CSMD1: variants seen among roughly 807,000 people sequenced by gnomAD.
CSMD1 encodes the protein CUB and sushi domain-containing protein 1.
In CSMD1, 213 loss-of-function variants were observed where a neutral mutation model predicts 417.5. The ratio of observed to expected loss-of-function variants is 0.51; its 90% CI spans 0.46 to 0.57. CSMD1 has a LOEUF of 0.57. CSMD1 is among the 20% of genes least tolerant of loss of function. CSMD1 has a pLI of 0.00. For synonymous variants in CSMD1, 2,862 were observed against 1,736.8 expected (o/e 1.65, Z -16.11); for missense variants, 6,923 against 4,529.7 (o/e 1.53, Z -15.17).
intron 49 of CSMD1, among the ~76,000 whole-genome samples, chr8:3,072,397 A>C (rs1260692361): frequency 3.3e-5 from 5 of 152,242 alleles, no homozygotes; most frequent in Non-Finnish European, 7.3e-5. Context: ...CATAGCTAAG[A>C]ACAAGCTTCA....
At chr8:4,276,829 G>A (rs1021605586) in intron 3 of CSMD1, among the ~76,000 whole-genome samples, 3 of 151,970 alleles carry the variant, frequency 2.0e-5, no homozygotes, top group African/African-American at 7.2e-5. Flanking sequence ...TCTCTTTTCA[G>A]AAATACAATA....
At chr8:3,091,124 A>G (rs1465491686) in intron 48 of CSMD1, among the ~76,000 whole-genome samples, 2 of 152,080 alleles carry the variant, frequency 1.3e-5, no homozygotes, top group African/African-American at 4.8e-5. Flanking sequence ...ATACAAAAAC[A>G]TAACTATTAA....
chr8:4,198,186 C>A (rs1799447488), intron 3 of CSMD1, among the ~76,000 whole-genome samples: 1 of 152,156 alleles, frequency 6.6e-6, no homozygotes, highest in Non-Finnish European at 1.5e-5. Flanking sequence ...GGAGTCATTC[C>A]AAGCAGAGAG....
At chr8:3,558,761 T>A (rs1799335819) in intron 10 of CSMD1, among the ~76,000 whole-genome samples, 2 of 151,532 alleles carry the variant, frequency 1.3e-5, no homozygotes, top group African/African-American at 2.4e-5. Context: ...GAATAGTGCC[T>A]CAATAGTACC....
At chr8:4,541,288 C>T (rs963770838) in intron 2 of CSMD1, among the ~76,000 whole-genome samples, 6 of 152,130 alleles carry the variant, frequency 3.9e-5, no homozygotes, top group African/African-American at 1.2e-4. Context: ...TCTACTGGCA[C>T]GTGCTGATCA....
chr8:3,238,825 G>C (rs964078293), intron 26 of CSMD1, among the ~76,000 whole-genome samples: 2 of 152,168 alleles, frequency 1.3e-5, no homozygotes, highest in African/African-American at 2.4e-5. Flanking sequence ...GTTAAGAGTG[G>C]CAGGTTGGGG....
At chr8:3,890,042 A>C (rs1424950957) in intron 5 of CSMD1, among the ~76,000 whole-genome samples, 1 of 152,084 alleles carries the variant, frequency 6.6e-6, no homozygotes, top group Admixed American at 6.6e-5. Context: ...TTTTTAAAAA[A>C]GTTTCTGAAT....
chr8:4,002,637 A>C lies in CSMD1; in HGVS notation c.611-4527T>G, dbSNP rs115231444. The stretch of plus-strand genomic sequence containing the variant: ...TAAAGATATTAAATTGCTCCCACAT[A>C]TCGCTAAAGGATAAAAGCTTTGCTG... On this transcript the variant is annotated intron_variant, in intron 4 of 69. Coordinates refer to ENST00000635120, the MANE Select transcript of CSMD1 (RefSeq NM_033225.6). 7.2e-3 allele frequency among the ~76,000 whole-genome samples: 1,095 copies of C among 152,340 alleles called. 12 individuals carry two copies. The highest frequency in any genetic ancestry group is 0.025 in the African/African-American group (1,037 of 41,574).
chr8:3,772,440 T>TATATATACACATATATATAC (rs1300125222), intron 5 of CSMD1, among the ~76,000 whole-genome samples: 2 of 69,572 alleles, frequency 2.9e-5, no homozygotes, highest in African/African-American at 1.9e-4. Flanking sequence ...TACATACATT[T>TATATATACACATATATATAC]ATATATACAC....
At chr8:4,304,913 C>T (rs1039997314) in intron 3 of CSMD1, among the ~76,000 whole-genome samples, 16 of 152,038 alleles carry the variant, frequency 1.1e-4, no homozygotes, top group African/African-American at 3.9e-4. Flanking sequence ...TAAGGTGTAA[C>T]GATGAGATGA....
chr8:3,978,730 G>T (rs188286737), intron 5 of CSMD1, among the ~76,000 whole-genome samples: 1 of 152,130 alleles, frequency 6.6e-6, no homozygotes, highest in African/African-American at 2.4e-5. Flanking sequence ...GATGTAAAAA[G>T]ACATATCCCC....
At chr8:4,297,690 A>C (rs572622441) in intron 3 of CSMD1, among the ~76,000 whole-genome samples, 1 of 152,178 alleles carries the variant, frequency 6.6e-6, no homozygotes, top group Non-Finnish European at 1.5e-5. Flanking sequence ...TTTTAGCATT[A>C]ACCCGGAGCC....
intron 1 of CSMD1, among the ~76,000 whole-genome samples, chr8:4,710,683 A>C (rs948917583): frequency 6.6e-6 from 1 of 151,532 alleles, no homozygotes; most frequent in Non-Finnish European, 1.5e-5. Flanking sequence ...GTCTCTACTA[A>C]AAATACAAAA....
At chr8:3,979,512 G>A (rs75712851) in intron 5 of CSMD1, among the ~76,000 whole-genome samples, 3,190 of 152,280 alleles carry the variant, frequency 0.021, 41 homozygotes, top group Non-Finnish European at 0.029. Flanking sequence ...TTCATATACA[G>A]AAGCTGTAAC....
intron 49 of CSMD1, among the ~76,000 whole-genome samples, chr8:3,086,429 A>G (rs1371903624): frequency 6.6e-6 from 1 of 152,150 alleles, no homozygotes; most frequent in Non-Finnish European, 1.5e-5. Context: ...CTAATATCTA[A>G]TGAAACTGAC....
intron 1 of CSMD1, among the ~76,000 whole-genome samples, chr8:4,941,135 G>A (rs533025679): frequency 6.6e-6 from 1 of 151,850 alleles, no homozygotes; most frequent in Non-Finnish European, 1.5e-5. Flanking sequence ...TTGACTAATT[G>A]GTTTTACAAT....
At chr8:4,020,169 A>T (rs1729564373) in intron 4 of CSMD1, among the ~76,000 whole-genome samples, 1 of 152,094 alleles carries the variant, frequency 6.6e-6, no homozygotes, top group African/African-American at 2.4e-5. Flanking sequence ...TTTACAACAG[A>T]TTTCTCAAGT....
At chr8:4,560,782 G>A (rs1214193819) in intron 2 of CSMD1, among the ~76,000 whole-genome samples, 1 of 152,186 alleles carries the variant, frequency 6.6e-6, no homozygotes. Flanking sequence ...CACCTGCACT[G>A]TAGCCTGAAG....
chr8:4,313,622 G>A (rs887427243), intron 3 of CSMD1, among the ~76,000 whole-genome samples: 2 of 151,938 alleles, frequency 1.3e-5, no homozygotes, highest in African/African-American at 4.8e-5. Flanking sequence ...TAAACATGCA[G>A]ATGCCATTTA....
Sources: allele counts gnomAD v4.1 joint callset (sites outside exome capture counted in the v4.1 genomes callset), GRCh38; gene constraint gnomAD v4.1.1; transcripts MANE v1.5; gene names NCBI Gene and HGNC (gene_info 2026-07-23, HGNC 2026-07-21).